The following SHISA9 variants were observed in gnomAD, a reference collection of about 807,000 sequenced individuals.
SHISA9 encodes the protein shisa family member 9.
SHISA9 carries 13 observed loss-of-function variants against 38.0 expected under a neutral mutation model. That is an observed-to-expected ratio of 0.34 (90% CI 0.22 to 0.54). SHISA9 has a LOEUF of 0.54. Ranked by LOEUF, SHISA9 falls within the 20% of genes least tolerant of loss-of-function variation. SHISA9 has a pLI of 0.91. For synonymous variants in SHISA9, 275 were observed against 242.0 expected, an observed-to-expected ratio of 1.14 and a Z score of -1.27; for missense variants, 538 against 575.8, an observed-to-expected ratio of 0.93 and a Z score of 0.67.
the SHISA9 span, among the ~76,000 whole-genome samples, chr16:13,548,053 A>T: frequency 6.6e-6 from 1 of 152,184 alleles, no homozygotes; most frequent in African/African-American, 2.4e-5. Flanking sequence ...GAACAAAGAA[A>T]TAAATCCATG....
At chr16:13,216,184 CAAAAAA>C (rs929173872) in intron 4 of SHISA9, among the ~76,000 whole-genome samples, 1 of 113,044 alleles carries the variant, frequency 8.8e-6, no homozygotes, top group South Asian at 2.9e-4. Context: ...GAGACTCTGT[CAAAAAA>C]AAAAAAAAAA....
chr16:13,187,283 G>T (rs1047775852), intron 2 of SHISA9, among the ~76,000 whole-genome samples: 1 of 150,790 alleles, frequency 6.6e-6, no homozygotes, highest in South Asian at 2.1e-4. Context: ...CAGGAGGTAG[G>T]ATTGGCACCT....
chr16:12,945,584 CA>C (rs1196453711), intron 2 of SHISA9, among the ~76,000 whole-genome samples: 1 of 152,126 alleles, frequency 6.6e-6, no homozygotes, highest in African/African-American at 2.4e-5. Context: ...GTTACAAGAA[CA>C]AGTTCTGGGT....
the SHISA9 span, among the ~76,000 whole-genome samples, chr16:13,473,881 GGA>G: frequency 6.6e-6 from 1 of 152,110 alleles, no homozygotes; most frequent in Admixed American, 6.6e-5. Context: ...TGCAATGCCT[GGA>G]GATGCAACAT....
chr16:12,990,188 G>C (rs777523682), intron 2 of SHISA9, among the ~76,000 whole-genome samples: 1 of 152,184 alleles, frequency 6.6e-6, no homozygotes, highest in Non-Finnish European at 1.5e-5. Flanking sequence ...TCATTGATGG[G>C]CATTTGGGTT....
At chr16:13,437,940 A>G in the SHISA9 span, among the ~76,000 whole-genome samples, 1 of 82,800 alleles carries the variant, frequency 1.2e-5, no homozygotes, top group African/African-American at 3.4e-5. Flanking sequence ...ATCTCAGCTC[A>G]CTGCCACCTC....
intron 2 of SHISA9, among the ~76,000 whole-genome samples, chr16:12,928,952 G>C (rs2071428280): frequency 6.6e-6 from 1 of 152,136 alleles, no homozygotes; most frequent in Non-Finnish European, 1.5e-5. Flanking sequence ...GCTAATTTCA[G>C]ATACTGGTAC....
At chr16:13,384,474 A>G in the SHISA9 span, among the ~76,000 whole-genome samples, 124,537 of 152,180 alleles carry the variant, frequency 0.82, 51,095 homozygotes, top group East Asian at 0.96. Context: ...AGCATATGGC[A>G]TGAGAATCTG....
the SHISA9 span, among the ~76,000 whole-genome samples, chr16:13,452,145 T>G: frequency 8.5e-5 from 13 of 152,200 alleles, no homozygotes; most frequent in African/African-American, 2.4e-4. Flanking sequence ...CATTTTTCCT[T>G]CAATGAATGG....
the SHISA9 span, among the ~76,000 whole-genome samples, chr16:13,322,912 C>T: frequency 6.6e-6 from 1 of 152,150 alleles, no homozygotes; most frequent in South Asian, 2.1e-4. Context: ...GGCTACCAGT[C>T]ATACTGTGTC....
chr16:13,337,604 T>C, the SHISA9 span, among the ~76,000 whole-genome samples: 1 of 152,194 alleles, frequency 6.6e-6, no homozygotes, highest in Non-Finnish European at 1.5e-5. Flanking sequence ...TATTCATGTG[T>C]AATATTCTGA....
At chr16:13,359,071 C>G in the SHISA9 span, among the ~76,000 whole-genome samples, 1 of 131,608 alleles carries the variant, frequency 7.6e-6, no homozygotes, top group South Asian at 2.6e-4. Context: ...AATTCCCATC[C>G]GTTGGACTTC....
chr16:13,064,731 A>G (rs535338765), intron 2 of SHISA9, among the ~76,000 whole-genome samples: 6 of 151,724 alleles, frequency 4.0e-5, no homozygotes, highest in South Asian at 2.1e-4. Context: ...TTTTTCTACA[A>G]TGAACATGTA....
chr16:13,055,137 C>T (rs2073295594), intron 2 of SHISA9, among the ~76,000 whole-genome samples: 1 of 152,124 alleles, frequency 6.6e-6, no homozygotes, highest in Non-Finnish European at 1.5e-5. Flanking sequence ...TGTTCTAAGC[C>T]CTTCAGTTGT....
At chr16:13,058,887 G>C (rs529977535) in intron 2 of SHISA9, among the ~76,000 whole-genome samples, 2 of 152,182 alleles carry the variant, frequency 1.3e-5, no homozygotes, top group South Asian at 4.2e-4. Flanking sequence ...TCAGCAAGGG[G>C]AAGTACATAA....
the SHISA9 span, among the ~76,000 whole-genome samples, chr16:13,486,324 G>A: frequency 6.6e-6 from 1 of 152,186 alleles, no homozygotes; most frequent in African/African-American, 2.4e-5. Context: ...ATTTTCATGA[G>A]AGCACTCAGA....
At chr16:13,015,899 T>C (rs1484919571) in intron 2 of SHISA9, among the ~76,000 whole-genome samples, 23 of 114,722 alleles carry the variant, frequency 2.0e-4, no homozygotes, top group Non-Finnish European at 2.8e-4. Flanking sequence ...TCTTTCTTTC[T>C]TTCTTTCTTT....
intron 2 of SHISA9, among the ~76,000 whole-genome samples, chr16:13,152,758 T>C (rs182562689): frequency 9.4e-4 from 143 of 152,230 alleles, no homozygotes; most frequent in African/African-American, 3.2e-3. Flanking sequence ...GAAGGAAGAA[T>C]AGATATTGTG....
At chr16:13,544,236 A>C in the SHISA9 span, among the ~76,000 whole-genome samples, 1 of 148,596 alleles carries the variant, frequency 6.7e-6, no homozygotes, top group Non-Finnish European at 1.5e-5. Flanking sequence ...TCTTATCTAT[A>C]TATCTAGATA....
Sources: gnomAD v4.1 joint callset for allele counts (sites outside exome capture counted in the v4.1 genomes callset) on GRCh38, gnomAD v4.1.1 for gene constraint, MANE v1.5 for transcripts, NCBI Gene and HGNC (gene_info 2026-07-23, HGNC 2026-07-21) for gene names.